CUL2: variants seen among roughly 807,000 people sequenced by gnomAD.
CUL2 encodes the protein cullin-2.
In CUL2, 22 loss-of-function variants were observed where a neutral mutation model predicts 110.2. That is an observed-to-expected ratio of 0.20 (90% confidence interval 0.14 to 0.28). The LOEUF (loss-of-function observed/expected upper bound fraction) is 0.28. Ranked by LOEUF, CUL2 falls within the 10% of genes least tolerant of loss-of-function variation. The probability of loss-of-function intolerance (pLI) is 1.00; values close to 1 mark genes in which losing one functional copy is unlikely to be tolerated. For missense variants in CUL2, 631 were observed against 905.5 expected, an observed-to-expected ratio of 0.70 and a Z score of 3.89; for synonymous variants, 279 against 293.2, an observed-to-expected ratio of 0.95 and a Z score of 0.49.
chr10:35,085,827 G>T (rs2135060758), intron 1 of CUL2, among the ~76,000 whole-genome samples: 1 of 151,940 alleles, frequency 6.6e-6, no homozygotes, highest in Middle Eastern at 3.4e-3. Context: ...GCAAACTTTT[G>T]TAAAGTCTCA....
At chr10:35,038,265 C>T (rs949413761) in intron 9 of CUL2, among the ~76,000 whole-genome samples, 2 of 151,820 alleles carry the variant, frequency 1.3e-5, no homozygotes, top group Non-Finnish European at 2.9e-5. Context: ...GTGGCTCACG[C>T]CTGTAATCCC....
Position 35,052,425 on chromosome 10 carries a change from T to G in CUL2, c.423+2009A>C, listed in dbSNP as rs11010080. ...GCTCCACTTCCTGACACCCAGTCTATAAAAAGTTCTGCTCATGTACCAAGA... is the reference window on the plus strand; with the variant it reads ...GCTCCACTTCCTGACACCCAGTCTAGAAAAAGTTCTGCTCATGTACCAAGA... On this transcript the variant is annotated intron_variant, in intron 5 of 20. Transcript: ENST00000374749. 2.5e-3 allele frequency among the ~76,000 whole-genome samples: 387 copies of G among 152,282 alleles called. 3 individuals are homozygous for G. Among genetic ancestry groups the G allele is most frequent in the African/African-American group, 8.9e-3 (368 of 41,548 alleles).
chr10:35,016,068 G>A lies in CUL2; in HGVS notation c.1887+124C>T, dbSNP rs541996866. Reference sequence around the variant, plus strand: ...GCAGCTCTATGGAGCGTACAGTAACGTAGTGAATACAAGTGCTTTCCAGAG... The same window carrying A: ...GCAGCTCTATGGAGCGTACAGTAACATAGTGAATACAAGTGCTTTCCAGAG... On this transcript the variant is annotated intron_variant, in intron 18 of 20. Coordinates refer to ENST00000374749, the MANE Select transcript of CUL2 (RefSeq NM_003591.4). 85 of 751,802 alleles carry A rather than the reference G, an allele frequency of 1.1e-4. No homozygotes were observed. In the South Asian group the frequency reaches 1.3e-3, roughly 11 times the overall value. 46.6% of individuals were successfully genotyped at this position (751,802 alleles called of 1,614,324 possible).
chr10:35,074,000 C>A, intron 1 of CUL2: 1 of 704,730 alleles, frequency 1.4e-6, no homozygotes, highest in South Asian at 1.5e-5. Context: ...CATCAGGATT[C>A]AGACCCGTGC....
At chr10:35,102,539 T>A (rs1181050001) in intron 1 of CUL2, among the ~76,000 whole-genome samples, 1 of 151,944 alleles carries the variant, frequency 6.6e-6, no homozygotes, top group Non-Finnish European at 1.5e-5. Context: ...TCCACTGCAC[T>A]CCAGCCTGAG....
upstream of CUL2, among the ~76,000 whole-genome samples, chr10:35,092,055 C>T (rs576467022): frequency 1.3e-5 from 2 of 152,090 alleles, no homozygotes; most frequent in Admixed American, 1.3e-4. Flanking sequence ...TGGGCTCAAG[C>T]GAGTGTACCA....
At chr10:35,095,494 T>A (rs2135095736), upstream of CUL2, among the ~76,000 whole-genome samples, 1 of 152,304 alleles carries the variant, frequency 6.6e-6, no homozygotes, top group East Asian at 1.9e-4. Context: ...TGCTATTTTG[T>A]AGTCAGCTAT....
intron 17 of CUL2, among the ~76,000 whole-genome samples, chr10:35,023,585 T>C (rs1473585654): frequency 6.6e-6 from 1 of 151,452 alleles, no homozygotes; most frequent in East Asian, 1.9e-4. Flanking sequence ...TTTCTTCTTA[T>C]ACACCACTGG....
chr10:35,104,695 T>A (rs557544575), intron 1 of CUL2, among the ~76,000 whole-genome samples: 39 of 152,188 alleles, frequency 2.6e-4, no homozygotes, highest in African/African-American at 7.9e-4. Context: ...CAATATATAT[T>A]TTTTTAACAT....
chr10:35,094,944 T>C (rs1247103725), upstream of CUL2, among the ~76,000 whole-genome samples: 1 of 152,220 alleles, frequency 6.6e-6, no homozygotes, highest in African/African-American at 2.4e-5. Flanking sequence ...TTTTACTTTT[T>C]AGCTAATGCT....
chr10:35,049,722 T>C lies in CUL2; in HGVS notation c.467A>G (p.Gln156Arg). The C allele has an allele frequency of 6.2e-7, 1 of 1,613,658 alleles. No homozygotes were observed. The highest frequency in any genetic ancestry group is 8.5e-7 in the Non-Finnish European group (1 of 1,179,788). ...GAGCAGCATTCGGATAAGGATGGCCTGAAGTGGTTCAACCATCAATTTCCT... is the reference window on the plus strand; with the variant it reads ...GAGCAGCATTCGGATAAGGATGGCCCGAAGTGGTTCAACCATCAATTTCCT... ...MWRKLMVEPL[Q>R]AILIRMLLRE... The change falls in exon 6 of 21, where the codon CAG (glutamine) becomes CGG (arginine). Residue 156 changes from glutamine (Q) to arginine (R), a missense_variant. Transcript: ENST00000374749.
At chr10:35,012,733 C>A (rs1449316145) in intron 19 of CUL2, among the ~76,000 whole-genome samples, 2 of 152,112 alleles carry the variant, frequency 1.3e-5, no homozygotes, top group Non-Finnish European at 2.9e-5. Context: ...ATATTTGTCT[C>A]CCCCCATCGG....
chr10:35,038,865 T>G, intron 9 of CUL2, 55 bp downstream of exon 9: 1 of 1,197,046 alleles, frequency 8.4e-7, no homozygotes, highest in South Asian at 1.5e-5. Flanking sequence ...GACTAGAGGA[T>G]GATATAAAAG....
intron 2 of CUL2, among the ~76,000 whole-genome samples, chr10:35,098,517 T>C (rs1015459022): frequency 1.3e-5 from 2 of 151,358 alleles, no homozygotes; most frequent in African/African-American, 4.9e-5. Context: ...GGTCAGGAGT[T>C]CAAGACAAGA....
In CUL2 at chr10:35,009,201, T is replaced by TTATATATATATATATATATATATTATA. The variant is rs58058299; in HGVS notation, c.*1109_*1110insTATAATATATATATATATATATATATA. 5 of 137,886 alleles carry TTATATATATATATATATATATATTATA rather than the reference T, an allele frequency of 3.6e-5. No homozygotes were observed. The Admixed American group carries it at 3.8e-4, about 10-fold the overall frequency. 8.5% of individuals were successfully genotyped at this position (137,886 alleles called of 1,614,324 possible). A position where few individuals can be genotyped will look rare whatever the true frequency, so the allele number is the denominator to read the frequency against. ...CTGTTGAGATATATATATATATATA[T>TTATATATATATATATATATATATTATA]TATATATATATATATATATAAAATA... is the stretch of plus-strand genomic sequence containing the variant. On this transcript the variant is annotated 3_prime_UTR_variant, in exon 21 of 21. Transcript: ENST00000374749.
At chr10:35,080,597 A>G (rs1313391442) in intron 1 of CUL2, among the ~76,000 whole-genome samples, 1 of 151,992 alleles carries the variant, frequency 6.6e-6, no homozygotes, top group Non-Finnish European at 1.5e-5. Context: ...AGCTGGGACT[A>G]CAGGCACACA....
chr10:35,022,878 C>T (rs547150302), intron 17 of CUL2, among the ~76,000 whole-genome samples: 1 of 148,566 alleles, frequency 6.7e-6, no homozygotes, highest in African/African-American at 2.5e-5. Flanking sequence ...AACACCGTCT[C>T]TACTAAAAAT....
At chr10:35,045,561 AC>A (rs1588992874) in intron 6 of CUL2, among the ~76,000 whole-genome samples, 2 of 150,716 alleles carry the variant, frequency 1.3e-5, no homozygotes, top group East Asian at 2.0e-4. Flanking sequence ...AAAAAAAAAA[AC>A]AACTTAGCTG....
At chr10:35,069,921 A>C (rs1320584230) in intron 2 of CUL2, among the ~76,000 whole-genome samples, 1 of 152,198 alleles carries the variant, frequency 6.6e-6, no homozygotes, top group Non-Finnish European at 1.5e-5. Context: ...TCTTGCCCCA[A>C]ATCAATCCAT....
Sources: gnomAD v4.1 joint callset for allele counts (sites outside exome capture counted in the v4.1 genomes callset) on GRCh38, gnomAD v4.1.1 for gene constraint, MANE v1.5 for transcripts, NCBI Gene and HGNC (gene_info 2026-07-23, HGNC 2026-07-21) for gene names.